The following ERAP1 variants were observed in gnomAD, a reference collection of about 807,000 sequenced individuals.
ERAP1 encodes adipocyte-derived leucine aminopeptidase.
ERAP1 carries 86 observed loss-of-function variants against 103.7 expected under a neutral mutation model. The observed-to-expected ratio is 0.83, with a 90% CI of 0.70 to 0.99. The LOEUF is 0.99. Among genes scored for constraint, ERAP1 ranks in the 50% least tolerant of loss-of-function variants. The probability of loss-of-function intolerance (pLI) is 0.00; values close to 1 mark genes in which losing one functional copy is unlikely to be tolerated. For synonymous variants in ERAP1, 398 were observed against 402.4 expected (o/e 0.99, Z 0.13); for missense variants, 1,009 against 1,128.4 (o/e 0.89, Z 1.52).
the ERAP1 span, among the ~76,000 whole-genome samples, chr5:96,888,497 G>A: frequency 6.6e-5 from 10 of 152,304 alleles, no homozygotes; most frequent in Admixed American, 2.0e-4. Flanking sequence ...GATTTTATAC[G>A]TAAGCATTCA....
At chr5:96,849,387 A>G in the ERAP1 span, among the ~76,000 whole-genome samples, 1 of 152,204 alleles carries the variant, frequency 6.6e-6, no homozygotes, top group Admixed American at 6.5e-5. Flanking sequence ...CCACTAAAAA[A>G]CTGTTAGAAC....
At chr5:96,791,333 CT>C (rs1454458082) in intron 8 of ERAP1, among the ~76,000 whole-genome samples, 1 of 152,164 alleles carries the variant, frequency 6.6e-6, no homozygotes, top group Non-Finnish European at 1.5e-5. Flanking sequence ...CTTTTACATT[CT>C]TTTTCCCCTG....
At chr5:96,929,768 A>G in the ERAP1 span, among the ~76,000 whole-genome samples, 1 of 152,210 alleles carries the variant, frequency 6.6e-6, no homozygotes, top group Non-Finnish European at 1.5e-5. Context: ...TTCATTTACA[A>G]TAATATACCA....
the ERAP1 span, among the ~76,000 whole-genome samples, chr5:96,866,897 C>G: frequency 6.6e-6 from 1 of 152,212 alleles, no homozygotes; most frequent in Admixed American, 6.5e-5. Flanking sequence ...CAGGACCAAG[C>G]AACCAGCTAC....
the ERAP1 span, among the ~76,000 whole-genome samples, chr5:96,923,524 C>G: frequency 5.9e-5 from 9 of 152,136 alleles, no homozygotes; most frequent in Middle Eastern, 6.8e-3. Flanking sequence ...GAAATCCCGT[C>G]TCTACTAAAA....
the ERAP1 span, among the ~76,000 whole-genome samples, chr5:96,870,914 C>T: frequency 0.088 from 13,335 of 152,248 alleles, 681 homozygotes; most frequent in Middle Eastern, 0.15. Context: ...ACAAGCACTA[C>T]TTCTGTCTCT....
the ERAP1 span, among the ~76,000 whole-genome samples, chr5:96,932,513 C>T: frequency 1.3e-5 from 2 of 151,990 alleles, no homozygotes; most frequent in East Asian, 3.9e-4. Context: ...TGTCATTGAC[C>T]CCAATTTGCT....
At chr5:96,912,331 T>G in the ERAP1 span, among the ~76,000 whole-genome samples, 1 of 152,140 alleles carries the variant, frequency 6.6e-6, no homozygotes, top group South Asian at 2.1e-4. Flanking sequence ...ACCAGTAGTT[T>G]TGTATTTCAG....
Position 96,785,859 on chromosome 5 carries a change from T to A in ERAP1, c.1872A>T (p.Leu624Phe). The change falls in exon 13 of 19, where the codon TTA (leucine) becomes TTT (phenylalanine). Residue 624 changes from leucine to phenylalanine, a missense_variant. Leu to Phe is a conservative substitution (Grantham distance 22, BLOSUM62 0). Transcript: ENST00000443439. ...TGCTGACTGCTGTGTGTGTTCCTTT[T>A]AAAAGGCCAGTCAAAGAGTCCCATC... ...DDGWDSLTGL[L>F]KGTHTAVSSN... The A allele has an allele frequency of 6.2e-7, 1 of 1,614,166 alleles. No homozygotes were observed. Among genetic ancestry groups the A allele is most frequent in the Non-Finnish European group, 8.5e-7 (1 of 1,180,020 alleles).
At chr5:96,790,160 T>C in intron 10 of ERAP1, 136 bp downstream of exon 10, 1 of 778,668 alleles carries the variant, frequency 1.3e-6, no homozygotes, top group Non-Finnish European at 2.2e-6. Flanking sequence ...GAGTATGGAA[T>C]AGTTTAAATG....
chr5:96,900,164 C>T, the ERAP1 span: 20 of 1,613,592 alleles, frequency 1.2e-5, no homozygotes, highest in South Asian at 4.4e-5. Context: ...GTTTGTCATT[C>T]GGATCCCAAG....
the ERAP1 span, chr5:96,913,340 G>A: frequency 2.5e-6 from 4 of 1,614,018 alleles, no homozygotes; most frequent in South Asian, 1.1e-5. Context: ...GGAATGGAAG[G>A]AAAGGTTATC....
the ERAP1 span, chr5:96,881,303 GGGCCA>G: frequency 2.4e-6 from 1 of 408,950 alleles, no homozygotes; most frequent in Non-Finnish European, 4.9e-6. Context: ...ATGCTAATTT[GGGCCA>G]GGCTAGTGGC....
upstream of ERAP1, among the ~76,000 whole-genome samples, chr5:96,811,161 T>G (rs1779128955): frequency 1.4e-5 from 2 of 147,256 alleles, no homozygotes; most frequent in South Asian, 4.2e-4. Flanking sequence ...AGAGGATGAC[T>G]TTTTTCCCCC....
the ERAP1 span, among the ~76,000 whole-genome samples, chr5:96,849,987 T>G: frequency 6.6e-6 from 1 of 152,130 alleles, no homozygotes; most frequent in South Asian, 2.1e-4. Context: ...TCAACAAAGG[T>G]GCCAAGAACA....
intron 11 of ERAP1, among the ~76,000 whole-genome samples, chr5:96,787,550 G>T (rs1209198866): frequency 6.6e-6 from 1 of 152,174 alleles, no homozygotes; most frequent in Admixed American, 6.5e-5. Flanking sequence ...AAAGGCATGA[G>T]CCACTGTGAC....
the ERAP1 span, among the ~76,000 whole-genome samples, chr5:96,832,124 A>G: frequency 6.6e-6 from 1 of 152,224 alleles, no homozygotes; most frequent in Non-Finnish European, 1.5e-5. Context: ...CGCTGAAACA[A>G]GAGTCCTACC....
intron 1 of ERAP1, 130 bp from the exon 2 acceptor site, chr5:96,804,073 C>T: frequency 1.0e-6 from 1 of 987,456 alleles, no homozygotes; most frequent in South Asian, 1.5e-5. Flanking sequence ...TAGGTCTTTT[C>T]CTGAAAGTAA....
chr5:96,839,991 G>A, the ERAP1 span, among the ~76,000 whole-genome samples: 1 of 152,124 alleles, frequency 6.6e-6, no homozygotes, highest in African/African-American at 2.4e-5. Flanking sequence ...GTAATGAGTT[G>A]TTTATTGCTT....
Sources: allele counts gnomAD v4.1 joint callset (sites outside exome capture counted in the v4.1 genomes callset), GRCh38; gene constraint gnomAD v4.1.1; transcripts MANE v1.5; gene names NCBI Gene and HGNC (gene_info 2026-07-23, HGNC 2026-07-21).